The following DNAI4 variants were observed in gnomAD, a reference collection of about 807,000 sequenced individuals.
DNAI4 encodes dynein axonemal intermediate chain 4.
A neutral mutation model predicts 105.8 loss-of-function variants in DNAI4; 85 were observed. The observed-to-expected ratio is 0.80, with a 90% confidence interval of 0.67 to 0.96. The LOEUF (loss-of-function observed/expected upper bound fraction) is 0.96, where lower values mean the gene tolerates loss of function less well. Among genes scored for constraint, DNAI4 ranks in the 40% least tolerant of loss-of-function variants. The pLI, the probability that DNAI4 is intolerant of heterozygous loss-of-function variation, is 0.00. For synonymous variants in DNAI4, 352 were observed against 331.5 expected, an observed-to-expected ratio of 1.06 and a Z score of -0.67; for missense variants, 1,014 against 1,005.6, an observed-to-expected ratio of 1.01 and a Z score of -0.11.
intron 2 of DNAI4, among the ~76,000 whole-genome samples, chr1:66,897,243 G>A (rs937930190): frequency 2.6e-5 from 4 of 152,182 alleles, no homozygotes; most frequent in Non-Finnish European, 2.9e-5. Flanking sequence ...GACAAACTAG[G>A]ATACCTGGCA....
At chr1:66,920,144 G>A (rs1052154370) in intron 1 of DNAI4, among the ~76,000 whole-genome samples, 3 of 152,132 alleles carry the variant, frequency 2.0e-5, no homozygotes, top group African/African-American at 7.2e-5. Flanking sequence ...TCAGCCAGCA[G>A]AAAGAGAAGC....
At chr1:66,877,929 T>C (rs1410582800) in intron 4 of DNAI4, among the ~76,000 whole-genome samples, 2 of 152,196 alleles carry the variant, frequency 1.3e-5, no homozygotes, top group African/African-American at 4.8e-5. Context: ...CAAAGATACA[T>C]GCTAACATCA....
At chr1:66,817,307 T>A (rs1369236803) in intron 16 of DNAI4, among the ~76,000 whole-genome samples, 3 of 152,296 alleles carry the variant, frequency 2.0e-5, no homozygotes, top group Non-Finnish European at 2.9e-5. Flanking sequence ...GCCTGGTGGC[T>A]CATGCCTGTA....
intron 2 of DNAI4, among the ~76,000 whole-genome samples, chr1:66,896,238 G>T (rs1269301169): frequency 1.3e-5 from 2 of 152,070 alleles, no homozygotes; most frequent in African/African-American, 2.4e-5. Flanking sequence ...TTGTTTGTCT[G>T]CTTTGGTAAA....
At chr1:66,830,228 A>G (rs1295883935) in intron 13 of DNAI4, among the ~76,000 whole-genome samples, 1 of 152,096 alleles carries the variant, frequency 6.6e-6, no homozygotes, top group East Asian at 1.9e-4. Context: ...GATGATAAAG[A>G]AAACAAAAAA....
At chr1:66,848,227 C>G (rs1470692839) in intron 7 of DNAI4, 1 of 456,112 alleles carries the variant, frequency 2.2e-6, no homozygotes, top group African/African-American at 2.0e-5. Flanking sequence ...GCCACCACAA[C>G]CTTTCCTTCA....
intron 1 of DNAI4, among the ~76,000 whole-genome samples, chr1:66,921,997 A>G (rs950152209): frequency 6.6e-6 from 1 of 151,368 alleles, no homozygotes; most frequent in Non-Finnish European, 1.5e-5. Context: ...TCCCGGTCTC[A>G]AGTAATCTTC....
intron 6 of DNAI4, among the ~76,000 whole-genome samples, chr1:66,865,596 A>G (rs570267521): frequency 6.6e-6 from 1 of 152,324 alleles, no homozygotes; most frequent in African/African-American, 2.4e-5. Context: ...CTGCAACTAA[A>G]TGGACTTGCT....
Position 66,862,198 on chromosome 1 carries a change from C to T in DNAI4, c.1045G>A (p.Val349Ile), listed in dbSNP as rs751578403. 2 of 1,606,220 alleles carry T rather than the reference C, an allele frequency of 1.2e-6. No individual in the cohort carries two copies. The highest frequency in any genetic ancestry group is 1.7e-5 in the Admixed American group (1 of 58,456). Reference protein sequence around the residue: ...SVVESSSKANVLPKDQDQRLP... With the variant: ...SVVESSSKANILPKDQDQRLP... Reference sequence around the variant, plus strand: ...CTTTGGTCCTGATCTTTAGGAAGTACATTTGCTTTACTACTTGACTCAACC... The same window carrying T: ...CTTTGGTCCTGATCTTTAGGAAGTATATTTGCTTTACTACTTGACTCAACC... Residue 349 changes from valine (V) to isoleucine (I), a missense_variant, in exon 7 of 17, where the codon GTA (valine) becomes ATA (isoleucine). By Grantham distance (29) the Val-to-Ile change is conservative. Transcript: ENST00000371026.
At chr1:66,836,222 GAGAGAGAGAGAGAA>G (rs1228110758) in intron 10 of DNAI4, among the ~76,000 whole-genome samples, 5 of 110,090 alleles carry the variant, frequency 4.5e-5, no homozygotes, top group Admixed American at 1.8e-4. Context: ...GAGAGAGAGA[GAGAGAGAGAGAGAA>G]AGAAAGAAAG....
intron 2 of DNAI4, among the ~76,000 whole-genome samples, chr1:66,894,356 A>G (rs942783738): frequency 6.6e-6 from 1 of 152,192 alleles, no homozygotes; most frequent in African/African-American, 2.4e-5. Context: ...TTCCTATTCA[A>G]GTCCTTTGCA....
rs1557991336 is a variant in DNAI4, at chr1:66,920,863, C to T, written c.170+3799G>A. Among the ~76,000 whole-genome samples, 4 of 152,244 alleles carry T rather than the reference C, an allele frequency of 2.6e-5. No homozygotes were observed. The South Asian group carries it at 8.3e-4, about 31-fold the overall frequency. ...CAGTAGAGGAAACTGATGCCTTACACATTTACAACTAAACAGTAAACACAG... is the reference window on the plus strand; with the variant it reads ...CAGTAGAGGAAACTGATGCCTTACATATTTACAACTAAACAGTAAACACAG... On this transcript the variant is annotated intron_variant, in intron 1 of 16. Transcript: ENST00000371026.
In DNAI4 at chr1:66,891,408, T is replaced by C. The variant is rs931770756; in HGVS notation, c.531-142A>G. The C allele has an allele frequency of 1.2e-5, 7 of 570,962 alleles. No homozygotes were observed. The Admixed American group carries it at 2.1e-4, about 17-fold the overall frequency. The allele number at this position is 570,962 out of a possible 1,614,324, so 35.4% of individuals were successfully genotyped here. A position where few individuals can be genotyped will look rare whatever the true frequency, so the allele number is the denominator to read the frequency against. ...CAAAATAGATACATTAATTTTTAAA[T>C]AATGAGTTGGTTTTTAATATTTCTT... On this transcript the variant is annotated intron_variant, in intron 3 of 16. Coordinates refer to ENST00000371026, the MANE Select transcript of DNAI4 (RefSeq NM_024763.5).
intron 1 of DNAI4, among the ~76,000 whole-genome samples, chr1:66,920,807 C>T (rs2100907042): frequency 6.6e-6 from 1 of 152,122 alleles, no homozygotes; most frequent in East Asian, 1.9e-4. Flanking sequence ...TAAGGAGTCC[C>T]TAGGGAAACT....
chr1:66,869,860 A>G (rs1646804731), intron 6 of DNAI4, among the ~76,000 whole-genome samples: 1 of 152,130 alleles, frequency 6.6e-6, no homozygotes, highest in South Asian at 2.1e-4. Context: ...AAAGCAGGGG[A>G]ATAACCGTAC....
intron 16 of DNAI4, among the ~76,000 whole-genome samples, chr1:66,819,945 G>T (rs2100313618): frequency 6.6e-6 from 1 of 152,110 alleles, no homozygotes; most frequent in African/African-American, 2.4e-5. Flanking sequence ...GCTACATTTA[G>T]AATTGGAGGC....
intron 6 of DNAI4, among the ~76,000 whole-genome samples, chr1:66,867,715 T>C (rs1285912209): frequency 6.6e-6 from 1 of 152,338 alleles, no homozygotes; most frequent in East Asian, 1.9e-4. Context: ...TTGATATTCC[T>C]GAGGTAGCTA....
rs912489920 is a variant in DNAI4, at chr1:66,893,079, A to G, written c.530+150T>C. On this transcript the variant is annotated intron_variant, in intron 3 of 16. Transcript: ENST00000371026. ...AGAGAGAGAGAGAAAGAAAGAAAGA[A>G]AGAAAGAAAGAAAGAAAGAAAGAAA... 1.2e-3 allele frequency: 461 copies of G among 376,718 alleles called. 6 individuals are homozygous for G. The highest frequency in any genetic ancestry group is 0.01 in the African/African-American group (433 of 42,426). The allele number at this position is 376,718 out of a possible 1,614,324, so 23.3% of individuals were successfully genotyped here. A position where few individuals can be genotyped will look rare whatever the true frequency, so the allele number is the denominator to read the frequency against.
At chr1:66,893,839 A>G (rs1336540082) in intron 2 of DNAI4, among the ~76,000 whole-genome samples, 1 of 152,160 alleles carries the variant, frequency 6.6e-6, no homozygotes, top group Non-Finnish European at 1.5e-5. Flanking sequence ...TTCAGTCAAC[A>G]ATGGACCACA....
Sources: allele counts gnomAD v4.1 joint callset (sites outside exome capture counted in the v4.1 genomes callset), GRCh38; gene constraint gnomAD v4.1.1; transcripts MANE v1.5; gene names NCBI Gene and HGNC (gene_info 2026-07-23, HGNC 2026-07-21).